Variants in KCNQ3 observed in about 807,000 individuals in gnomAD.
KCNQ3 encodes potassium voltage-gated channel subfamily KQT member 3.
A neutral mutation model predicts 92.5 loss-of-function variants in KCNQ3; 30 were observed. The ratio of observed to expected loss-of-function variants is 0.32; its 90% CI spans 0.24 to 0.44. KCNQ3 has a LOEUF of 0.44. Among genes scored for constraint, KCNQ3 ranks in the 20% least tolerant of loss-of-function variants. KCNQ3 has a pLI of 1.00. For synonymous variants in KCNQ3, 450 were observed against 468.8 expected, an observed-to-expected ratio of 0.96 and a Z score of 0.52; for missense variants, 913 against 1,140.3, an observed-to-expected ratio of 0.80 and a Z score of 2.87.
intron 4 of KCNQ3, among the ~76,000 whole-genome samples, 192 bp downstream of exon 4, chr8:132,179,965 A>C (rs1024129453): frequency 6.6e-6 from 1 of 152,190 alleles, no homozygotes; most frequent in African/African-American, 2.4e-5. Context: ...CTGCTCCCTG[A>C]ACCACACCTG....
At chr8:132,476,142 C>A (rs1305777725) in intron 1 of KCNQ3, among the ~76,000 whole-genome samples, 1 of 152,204 alleles carries the variant, frequency 6.6e-6, no homozygotes, top group African/African-American at 2.4e-5. Flanking sequence ...GCTTTGGGAA[C>A]CTCCACCTAG....
intron 1 of KCNQ3, among the ~76,000 whole-genome samples, chr8:132,412,166 GAA>G (rs1820668943): frequency 6.6e-6 from 1 of 152,170 alleles, no homozygotes; most frequent in Admixed American, 6.5e-5. Context: ...GCCGATTCCA[GAA>G]AAACAATTTG....
intron 8 of KCNQ3, among the ~76,000 whole-genome samples, chr8:132,167,744 A>G (rs1031122953): frequency 2.0e-5 from 3 of 152,252 alleles, no homozygotes; most frequent in Non-Finnish European, 4.4e-5. Context: ...CTGCAGCACA[A>G]TGTATTCCTC....
At chr8:132,250,344 G>A (rs1815363828) in intron 1 of KCNQ3, among the ~76,000 whole-genome samples, 1 of 152,176 alleles carries the variant, frequency 6.6e-6, no homozygotes. Context: ...ACTCAACCTG[G>A]CTGGAAGGGT....
intron 1 of KCNQ3, among the ~76,000 whole-genome samples, chr8:132,302,536 A>T (rs1817251959): frequency 6.6e-6 from 1 of 152,228 alleles, no homozygotes; most frequent in Non-Finnish European, 1.5e-5. Flanking sequence ...ACTTATTTCC[A>T]AGGGCAACAC....
rs144483955 is a variant in KCNQ3 at position 132,140,552 on chromosome 8, C to T, written c.1466-374G>A. 1.9e-3 allele frequency: 501 copies of T among 257,224 alleles called. 1 individual carries two copies. The highest frequency in any genetic ancestry group is 0.011 in the African/African-American group (481 of 44,940). The allele number at this position is 257,224 out of a possible 1,614,324, so 15.9% of individuals were successfully genotyped here. On this transcript the variant is annotated intron_variant, in intron 10 of 14. Coordinates refer to ENST00000388996, the MANE Select transcript of KCNQ3 (RefSeq NM_004519.4). ...GCCTCAGCTGGGACTTTTGCTCTGT[C>T]AGTCTCTATCCTGGTGACCTTGGAG...
At chr8:132,419,551 G>A (rs367628157) in intron 1 of KCNQ3, among the ~76,000 whole-genome samples, 3 of 152,124 alleles carry the variant, frequency 2.0e-5, no homozygotes, top group African/African-American at 7.2e-5. Context: ...CCATCATGGG[G>A]GCCAGAGAAA....
At chr8:132,327,694 G>T (rs1244926287) in intron 1 of KCNQ3, among the ~76,000 whole-genome samples, 1 of 152,146 alleles carries the variant, frequency 6.6e-6, no homozygotes, top group Non-Finnish European at 1.5e-5. Flanking sequence ...GGCTCCATGG[G>T]CCTCATCCTG....
At chr8:132,237,190 C>G (rs559135673) in intron 1 of KCNQ3, among the ~76,000 whole-genome samples, 2 of 152,218 alleles carry the variant, frequency 1.3e-5, no homozygotes, top group African/African-American at 4.8e-5. Flanking sequence ...ACTAATTCAA[C>G]CACAATAACC....
chr8:132,164,833 A>G (rs1240710563), intron 8 of KCNQ3, among the ~76,000 whole-genome samples: 1 of 152,112 alleles, frequency 6.6e-6, no homozygotes. Context: ...CTCTTCTACC[A>G]TCAGACTTCT....
At chr8:132,455,893 C>A (rs1212095398) in intron 1 of KCNQ3, among the ~76,000 whole-genome samples, 1 of 152,104 alleles carries the variant, frequency 6.6e-6, no homozygotes, top group African/African-American at 2.4e-5. Context: ...AGGCACCCAC[C>A]ACCAAGCCTG....
chr8:132,397,486 G>A (rs530427576), intron 1 of KCNQ3, among the ~76,000 whole-genome samples: 2 of 152,330 alleles, frequency 1.3e-5, no homozygotes, highest in South Asian at 4.1e-4. Context: ...GCTGCATAGG[G>A]TTGGGATGGG....
intron 1 of KCNQ3, among the ~76,000 whole-genome samples, chr8:132,475,262 C>A (rs576012545): frequency 2.6e-5 from 4 of 152,238 alleles, no homozygotes; most frequent in African/African-American, 9.6e-5. Flanking sequence ...TTGGGGCACT[C>A]CCATAAAGAT....
At position 132,187,876 on chromosome 8, in the gene KCNQ3, G is replaced by T. The variant is rs373765980; in HGVS notation, c.387-1695C>A. Among the ~76,000 whole-genome samples the T allele has an allele frequency of 2.2e-4, 23 of 102,434 alleles. No individual in the cohort carries two copies. The East Asian group carries it at 6.0e-3, about 27-fold the overall frequency. The allele number at this position is 102,434 out of a possible 152,430, so 67.2% of individuals were successfully genotyped here. On this transcript the variant is annotated intron_variant, in intron 1 of 14. Coordinates refer to ENST00000388996, the MANE Select transcript of KCNQ3 (RefSeq NM_004519.4). ...AGTGATGGTGGTGGTGGTGGTGATA[G>T]TGATGGTGGCGGTGGTGGTGGTGGT... is the stretch of plus-strand genomic sequence containing the variant.
At chr8:132,369,346 T>C (rs1819408519) in intron 1 of KCNQ3, among the ~76,000 whole-genome samples, 1 of 152,196 alleles carries the variant, frequency 6.6e-6, no homozygotes, top group South Asian at 2.1e-4. Context: ...AGTTATGTTC[T>C]ACTTCCTTGA....
At chr8:132,210,714 T>C (rs1308724646) in intron 1 of KCNQ3, among the ~76,000 whole-genome samples, 1 of 152,170 alleles carries the variant, frequency 6.6e-6, no homozygotes, top group East Asian at 1.9e-4. Flanking sequence ...CCTGTGACTG[T>C]AGAGATGTAT....
At chr8:132,250,944 C>T (rs1425006148) in intron 1 of KCNQ3, among the ~76,000 whole-genome samples, 2 of 152,142 alleles carry the variant, frequency 1.3e-5, no homozygotes, top group Non-Finnish European at 2.9e-5. Flanking sequence ...ACCTCTTAGA[C>T]CAGATAAGAT....
intron 1 of KCNQ3, among the ~76,000 whole-genome samples, chr8:132,377,598 C>T (rs1302790813): frequency 6.6e-6 from 1 of 152,194 alleles, no homozygotes; most frequent in African/African-American, 2.4e-5. Context: ...TTGTTTCTAG[C>T]TCTGGCTGAG....
chr8:132,251,961 T>C (rs1815425680), intron 1 of KCNQ3, among the ~76,000 whole-genome samples: 1 of 152,228 alleles, frequency 6.6e-6, no homozygotes, highest in African/African-American at 2.4e-5. Flanking sequence ...ATTAGTCCTT[T>C]CTCATCTTCT....
Sources: gnomAD v4.1 joint callset for allele counts (sites outside exome capture counted in the v4.1 genomes callset) on GRCh38, gnomAD v4.1.1 for gene constraint, MANE v1.5 for transcripts, NCBI Gene and HGNC (gene_info 2026-07-23, HGNC 2026-07-21) for gene names.